PRKCD: variants seen among roughly 807,000 people sequenced by gnomAD.
PRKCD encodes protein kinase C delta.
Under a neutral mutation model 82.2 loss-of-function variants are expected in PRKCD, and 20 were observed. The observed-to-expected ratio is 0.24, with a 90% CI of 0.17 to 0.35. The LOEUF is 0.35. Ranked by LOEUF, PRKCD falls within the 10% of genes least tolerant of loss-of-function variation. PRKCD has a pLI of 1.00. For synonymous variants in PRKCD, 317 were observed against 337.0 expected (o/e 0.94, Z 0.65); for missense variants, 607 against 899.0 (o/e 0.68, Z 4.15).
In PRKCD at chr3:53,192,291, C is replaced by T. The variant is rs1703954410; in HGVS notation, c.*25C>T. 6.2e-7 allele frequency: 1 copy of T among 1,612,004 alleles called. No individual in the cohort carries two copies. The highest frequency in any genetic ancestry group is 8.5e-7 in the Non-Finnish European group (1 of 1,178,370). On this transcript the variant is annotated 3_prime_UTR_variant, in exon 19 of 19. Coordinates refer to ENST00000330452, the MANE Select transcript of PRKCD (RefSeq NM_006254.4). ...AGGTTCCTGGACAGATCAGGCTAGC[C>T]CTGCCCTCCACCCACACCTGCCCGC...
At chr3:53,188,587 TTTTCTG>T in intron 15 of PRKCD, 127 bp from the exon 16 acceptor site, 1 of 1,215,116 alleles carries the variant, frequency 8.2e-7, no homozygotes, top group Non-Finnish European at 1.1e-6. Context: ...TTCTGCTTCC[TTTTCTG>T]TTTCTCATTC....
chr3:53,165,636 C>T (rs781921550), intron 2 of PRKCD, among the ~76,000 whole-genome samples: 8 of 152,214 alleles, frequency 5.3e-5, no homozygotes, highest in Non-Finnish European at 1.2e-4. Context: ...CCCGTGGGCC[C>T]CACAGTGGGT....
At position 53,187,471 on chromosome 3, in the gene PRKCD, C is replaced by T. The variant is rs144727250; in HGVS notation, c.1415+69C>T. On this transcript the variant is annotated intron_variant, in intron 15 of 18. Coordinates refer to ENST00000330452, the MANE Select transcript of PRKCD (RefSeq NM_006254.4). ...CAGCCCCATCATATCTTCTGAAATG[C>T]TCCAAGCAGGATCCCCCCAACTCCA... 8.2e-4 allele frequency: 1,267 copies of T among 1,542,744 alleles called. 16 individuals are homozygous for T. In the East Asian group the frequency reaches 0.027, roughly 32 times the overall value.
At position 53,187,218 on chromosome 3, in the gene PRKCD, C is replaced by T. The variant is rs889005322; in HGVS notation, c.1353-122C>T. The T allele has an allele frequency of 2.8e-6, 3 of 1,083,522 alleles. No homozygotes were observed. In the African/African-American group the frequency reaches 4.7e-5, roughly 17 times the overall value. 67.1% of individuals were successfully genotyped at this position (1,083,522 alleles called of 1,614,324 possible). On this transcript the variant is annotated intron_variant, in intron 14 of 18. Transcript: ENST00000330452. Reference sequence around the variant, plus strand: ...GATACAAGATGTACTTGATCATGCTCAGGTGGTCCATGGAGTTATTTGCAG... The same window carrying T: ...GATACAAGATGTACTTGATCATGCTTAGGTGGTCCATGGAGTTATTTGCAG...
Position 53,186,399 on chromosome 3 carries a change from G to GC in PRKCD, c.1260+65dup. 5.0e-6 allele frequency: 8 copies of GC among 1,598,340 alleles called. No homozygotes were observed. The South Asian group carries it at 7.8e-5, about 16-fold the overall frequency. On this transcript the variant is annotated intron_variant, in intron 13 of 18. Transcript: ENST00000330452. Reference sequence around the variant, plus strand: ...CACAGCCATGTCCCACAGCTCCTCAGCCCCCCTCAGTCAGGGCTGTGTCTC... The same window carrying GC: ...CACAGCCATGTCCCACAGCTCCTCAGCCCCCCCTCAGTCAGGGCTGTGTCTC...
rs1703839245 is a variant in PRKCD, at chr3:53,189,336, T to C, written c.1743+90T>C. Reference sequence around the variant, plus strand: ...GGCTTTGGGTGAGGAGCTTCCTGTCTCTGGAATGGCAGCCTCAGTGGTGCT... The same window carrying C: ...GGCTTTGGGTGAGGAGCTTCCTGTCCCTGGAATGGCAGCCTCAGTGGTGCT... On this transcript the variant is annotated intron_variant, in intron 17 of 18. Transcript: ENST00000330452. 8 of 1,357,558 alleles carry C rather than the reference T, an allele frequency of 5.9e-6. No individual in the cohort carries two copies. In the Admixed American group the frequency reaches 1.8e-4, roughly 31 times the overall value. 84.1% of individuals were successfully genotyped at this position (1,357,558 alleles called of 1,614,324 possible). A position where few individuals can be genotyped will look rare whatever the true frequency, so the allele number is the denominator to read the frequency against.
At position 53,179,608 on chromosome 3, in the gene PRKCD, G is replaced by A. The variant is rs782493646; in HGVS notation, c.147G>A (p.Pro49=). The stretch of plus-strand genomic sequence containing the variant: ...GGAAAACACTGGTGCAGAAGAAGCC[G>A]ACCATGTATCCTGAGTGGAAGTCGA... ...ERGKTLVQKK[P]TMYPEWKSTF... is the part of the protein sequence containing the mutation. Residue 49 remains proline, a synonymous_variant, in exon 4 of 19, where the codon CCG becomes CCA. Transcript: ENST00000330452. 1.2e-6 allele frequency: 2 copies of A among 1,614,174 alleles called. No individual in the cohort carries two copies. The highest frequency in any genetic ancestry group is 2.2e-5 in the East Asian group (1 of 44,886).
intron 14 of PRKCD, 86 bp from the exon 15 acceptor site, chr3:53,187,254 T>C: frequency 1.4e-6 from 2 of 1,421,560 alleles, no homozygotes; most frequent in Admixed American, 3.3e-5. Flanking sequence ...CATTTCTTGC[T>C]CCTGGAAGTG....
intron 2 of PRKCD, among the ~76,000 whole-genome samples, chr3:53,166,291 G>A (rs1702829836): frequency 6.6e-6 from 1 of 152,178 alleles, no homozygotes; most frequent in African/African-American, 2.4e-5. Flanking sequence ...AGGAAGTAAA[G>A]CGCCTTTGGC....
rs1703961241 is a variant in PRKCD, at chr3:53,192,466, G to A, written c.*200G>A. ...AATCTGCTTTTCCTCTGCCTTCGGA[G>A]GGAAATTGTAAATCCTGTGTTTCAT... is the stretch of plus-strand genomic sequence containing the variant. On this transcript the variant is annotated 3_prime_UTR_variant, in exon 19 of 19. Coordinates refer to ENST00000330452, the MANE Select transcript of PRKCD (RefSeq NM_006254.4). 2 of 516,534 alleles carry A rather than the reference G, an allele frequency of 3.9e-6. No individual in the cohort carries two copies. The highest frequency in any genetic ancestry group is 3.8e-5 in the African/African-American group (2 of 53,006). 32.0% of individuals were successfully genotyped at this position (516,534 alleles called of 1,614,324 possible).
intron 13 of PRKCD, 80 bp downstream of exon 13, chr3:53,186,420 G>A: frequency 6.4e-7 from 1 of 1,571,826 alleles, no homozygotes; most frequent in Non-Finnish European, 8.7e-7. Flanking sequence ...TCAGGGCTGT[G>A]TCTCCCCTTC....
rs1383705446 is a variant in PRKCD, at chr3:53,181,230, G to A, written c.339G>A (p.Lys113=). 3.7e-6 allele frequency: 6 copies of A among 1,613,836 alleles called. No homozygotes were observed. Among genetic ancestry groups the A allele is most frequent in the Middle Eastern group, 3.3e-4 (2 of 6,084 alleles). The change falls in exon 5 of 19, where the codon AAG becomes AAA. Residue 113 remains lysine, a synonymous_variant. Coordinates refer to ENST00000330452, the MANE Select transcript of PRKCD (RefSeq NM_006254.4). Reference sequence around the variant, plus strand: ...AGCTGGACCTGCAGCCTCAGGCCAAGGTGTTGATGTCTGTTCAGTATTTCC... The same window carrying A: ...AGCTGGACCTGCAGCCTCAGGCCAAAGTGTTGATGTCTGTTCAGTATTTCC... The part of the protein sequence containing the change: ...EFWLDLQPQA[K]VLMSVQYFLE...
intron 17 of PRKCD, 26 bp downstream of exon 17, chr3:53,189,272 TGGTCTGGGCTGGGCTG>T: frequency 1.8e-6 from 1 of 542,098 alleles, no homozygotes; most frequent in Non-Finnish European, 2.7e-6. Context: ...TGGGCTGGGC[TGGTCTGGGCTGGGCTG>T]GGGCAGGGGC....
At chr3:53,186,857 C>T (rs537040618) in intron 14 of PRKCD, among the ~76,000 whole-genome samples, 162 bp downstream of exon 14, 1 of 152,320 alleles carries the variant, frequency 6.6e-6, no homozygotes, top group South Asian at 2.1e-4. Flanking sequence ...TGGGTCGGCA[C>T]CACACAGGAA....
intron 3 of PRKCD, 74 bp downstream of exon 3, chr3:53,178,611 C>G: frequency 7.8e-7 from 1 of 1,279,280 alleles, no homozygotes; most frequent in South Asian, 1.4e-5. Context: ...GGGGGCCTGG[C>G]CTTGTTCCCT....
intron 7 of PRKCD, among the ~76,000 whole-genome samples, chr3:53,182,218 T>G (rs1553667847): frequency 6.6e-6 from 1 of 152,134 alleles, no homozygotes; most frequent in African/African-American, 2.4e-5. Flanking sequence ...TTCCTAGCTA[T>G]AGGGCCTTAG....
At chr3:53,187,452 C>T in intron 15 of PRKCD, 50 bp downstream of exon 15, 2 of 1,588,046 alleles carry the variant, frequency 1.3e-6, no homozygotes, top group Non-Finnish European at 1.7e-6. Context: ...GCTCCAGCCC[C>T]ATCATATCTT....
chr3:53,181,333 T>C, intron 5 of PRKCD, 66 bp downstream of exon 5: 1 of 1,608,170 alleles, frequency 6.2e-7, no homozygotes, highest in Non-Finnish European at 8.5e-7. Context: ...CACTGAGGTG[T>C]AGGGAAGCTG....
chr3:53,186,251 G>T lies in PRKCD; in HGVS notation c.1171G>T (p.Val391Leu). 1 of 1,614,166 alleles carries T rather than the reference G, an allele frequency of 6.2e-7. No homozygotes were observed. Among genetic ancestry groups the T allele is most frequent in the Non-Finnish European group, 8.5e-7 (1 of 1,180,004 alleles). Reference protein sequence around the residue: ...KKDVVLIDDDVECTMVEKRVL... With the variant: ...KKDVVLIDDDLECTMVEKRVL... Reference sequence around the variant, plus strand: ...GGATGTGGTCCTGATCGACGACGACGTGGAGTGCACCATGGTTGAGAAGCG... The same window carrying T: ...GGATGTGGTCCTGATCGACGACGACTTGGAGTGCACCATGGTTGAGAAGCG... Residue 391 changes from valine (V) to leucine (L), a missense_variant, in exon 13 of 19, where the codon GTG becomes TTG. Transcript: ENST00000330452.
Sources: allele counts gnomAD v4.1 joint callset (sites outside exome capture counted in the v4.1 genomes callset), GRCh38; gene constraint gnomAD v4.1.1; transcripts MANE v1.5; gene names NCBI Gene and HGNC (gene_info 2026-07-23, HGNC 2026-07-21).